Variants in COMMD8 observed in about 807,000 individuals in gnomAD.
The protein encoded by COMMD8 is COMM domain containing 8.
A neutral mutation model predicts 27.2 loss-of-function variants in COMMD8; 28 were observed. The observed-to-expected ratio is 1.03, with a 90% confidence interval of 0.76 to 1.41. COMMD8 has a LOEUF of 1.41. Ranked by LOEUF, COMMD8 falls within the 40% of genes most tolerant of loss-of-function variation. COMMD8 has a pLI of 0.00. For synonymous variants in COMMD8, 79 were observed against 75.5 expected, an observed-to-expected ratio of 1.05 and a Z score of -0.24; for missense variants, 217 against 211.2, an observed-to-expected ratio of 1.03 and a Z score of -0.17.
intron 1 of COMMD8, 73 bp downstream of exon 1, chr4:47,463,513 C>T (rs1730123066): frequency 6.2e-6 from 9 of 1,445,526 alleles, no homozygotes; most frequent in Non-Finnish European, 8.4e-6. Context: ...CCGGGTCGCA[C>T]CCGGCCTGAT....
intron 2 of COMMD8, among the ~76,000 whole-genome samples, chr4:47,458,520 C>T (rs1036902433): frequency 1.3e-5 from 2 of 152,048 alleles, no homozygotes; most frequent in East Asian, 1.9e-4. Context: ...CTACAAAATA[C>T]GAGAGAGACA....
chr4:47,463,253 AG>A (rs1432334102), intron 1 of COMMD8, among the ~76,000 whole-genome samples: 1 of 152,172 alleles, frequency 6.6e-6, no homozygotes, highest in Non-Finnish European at 1.5e-5. Flanking sequence ...TCCGGTAGGT[AG>A]GGAGCCTTTG....
chr4:47,459,459 G>A (rs1200456555), intron 2 of COMMD8, among the ~76,000 whole-genome samples: 2 of 152,116 alleles, frequency 1.3e-5, no homozygotes, highest in African/African-American at 4.8e-5. Context: ...AAGGAGACAT[G>A]TAAAGAACAT....
intron 3 of COMMD8, among the ~76,000 whole-genome samples, chr4:47,455,697 A>G (rs1729869029): frequency 1.3e-5 from 2 of 152,116 alleles, no homozygotes; most frequent in Admixed American, 1.3e-4. Context: ...CACATACACA[A>G]TGTAAGGCAC....
At chr4:47,454,617 G>A (rs1026604205) in intron 3 of COMMD8, among the ~76,000 whole-genome samples, 1 of 152,124 alleles carries the variant, frequency 6.6e-6, no homozygotes, top group Non-Finnish European at 1.5e-5. Flanking sequence ...TGTAATCCCA[G>A]CACTTTGGGA....
chr4:47,456,711 G>A lies in COMMD8; in HGVS notation c.241C>T (p.Gln81Ter). The change falls in exon 3 of 5, where the codon CAG becomes TAG. Residue 81 changes from glutamine (Q) to a stop codon, truncating the protein, a stop_gained. Transcript: ENST00000381571. LOFTEE classifies it high-confidence loss of function. ...GTTTCTTGATGAAGTGAATTCAACTGATTCAACTGCTGAAATATCTATAAA... is the reference window on the plus strand; with the variant it reads ...GTTTCTTGATGAAGTGAATTCAACTAATTCAACTGCTGAAATATCTATAAA... ...PDEEIFQQLN[Q>*]LNSLHQETIM... 2 of 1,582,380 alleles carry A rather than the reference G, an allele frequency of 1.3e-6. No individual in the cohort carries two copies. The highest frequency in any genetic ancestry group is 1.9e-5 in the Admixed American group (1 of 52,534).
At chr4:47,452,173 ACT>A (rs1729770118) in intron 4 of COMMD8, among the ~76,000 whole-genome samples, 1 of 152,240 alleles carries the variant, frequency 6.6e-6, no homozygotes, top group Non-Finnish European at 1.5e-5. Context: ...AACAGTTTCC[ACT>A]GTTTAAGTAT....
intron 1 of COMMD8, among the ~76,000 whole-genome samples, chr4:47,460,706 A>G (rs1477427367): frequency 6.6e-6 from 1 of 151,902 alleles, no homozygotes; most frequent in Non-Finnish European, 1.5e-5. Flanking sequence ...GGGTCTCACT[A>G]TGTTGCCCAG....
chr4:47,453,038 T>C, intron 4 of COMMD8, 21 bp downstream of exon 4: 2 of 1,575,936 alleles, frequency 1.3e-6, no homozygotes, highest in East Asian at 2.2e-5. Context: ...TCAAATCATA[T>C]GACAAAATTA....
chr4:47,454,006 T>A (rs991215983), intron 3 of COMMD8, among the ~76,000 whole-genome samples: 2 of 152,202 alleles, frequency 1.3e-5, no homozygotes, highest in Non-Finnish European at 2.9e-5. Flanking sequence ...AATCAAATCT[T>A]GACATAGCTC....
rs1729898144 is a variant in COMMD8, at chr4:47,456,656, T to C, written c.296A>G (p.Asp99Gly). ...TCTTGACAGAGCCTGTTTGATTTCA[T>C]CTTTCCTACTTTTCACGCATTTCAT... ...TIMKCVKSRK[D>G]EIKQALSREI... Residue 99 changes from aspartate to glycine, a missense_variant, in exon 3 of 5, where the codon GAT (aspartate) becomes GGT (glycine). Physicochemically the swap from Asp to Gly is moderately conservative, Grantham distance 94. Coordinates refer to ENST00000381571, the MANE Select transcript of COMMD8 (RefSeq NM_017845.5). 6.2e-7 allele frequency: 1 copy of C among 1,610,146 alleles called. No homozygotes were observed. Among genetic ancestry groups the C allele is most frequent in the South Asian group, 1.1e-5 (1 of 90,368 alleles).
At chr4:47,461,646 C>G (rs975648135) in intron 1 of COMMD8, among the ~76,000 whole-genome samples, 3 of 152,164 alleles carry the variant, frequency 2.0e-5, no homozygotes, top group Middle Eastern at 3.4e-3. Flanking sequence ...ATGGAAATGA[C>G]CTTATTTAAT....
chr4:47,456,267 C>CATATATAT (rs34279197), intron 3 of COMMD8, among the ~76,000 whole-genome samples: 3,774 of 118,516 alleles, frequency 0.032, 98 homozygotes, highest in East Asian at 0.1. Context: ...ATAAATTATA[C>CATATATAT]ATATATATAT....
rs1284620271 is a variant in COMMD8 at position 47,450,879 on chromosome 4, ATTGAGT to A, written c.*760_*765del. The A allele has an allele frequency of 6.6e-6, 1 of 152,240 alleles. No individual in the cohort carries two copies. Among genetic ancestry groups the A allele is most frequent in the Admixed American group, 6.5e-5 (1 of 15,282 alleles). 9.4% of individuals were successfully genotyped at this position (152,240 alleles called of 1,614,324 possible). ...AATTTAACATCCCAAAGTATTCAAT[ATTGAGT>A]TTATTAACAAAAGTGGATGTGTACA... On this transcript the variant is annotated 3_prime_UTR_variant, in exon 5 of 5. Transcript: ENST00000381571.
intron 3 of COMMD8, 91 bp from the exon 4 acceptor site, chr4:47,453,305 A>G (rs1376611478): frequency 3.9e-6 from 4 of 1,027,976 alleles, no homozygotes; most frequent in Non-Finnish European, 5.6e-6. Flanking sequence ...ACATTTTTTA[A>G]AAGTACTGTT....
At chr4:47,457,169 T>C (rs1239331447) in intron 2 of COMMD8, among the ~76,000 whole-genome samples, 1 of 152,208 alleles carries the variant, frequency 6.6e-6, no homozygotes, top group Non-Finnish European at 1.5e-5. Flanking sequence ...AAAACACTTC[T>C]GGTTCCATGC....
chr4:47,455,301 C>T (rs1208904604), intron 3 of COMMD8, among the ~76,000 whole-genome samples: 1 of 152,018 alleles, frequency 6.6e-6, no homozygotes, highest in Non-Finnish European at 1.5e-5. Context: ...CAGGTGTGAG[C>T]CACCGTGCCT....
intron 2 of COMMD8, among the ~76,000 whole-genome samples, chr4:47,459,473 T>C (rs1191926730): frequency 1.3e-5 from 2 of 152,134 alleles, no homozygotes; most frequent in African/African-American, 4.8e-5. Context: ...AGAACATTTA[T>C]AGCAGCACTA....
intron 3 of COMMD8, among the ~76,000 whole-genome samples, chr4:47,456,171 C>T (rs1729879113): frequency 6.6e-6 from 1 of 151,318 alleles, no homozygotes; most frequent in East Asian, 2.0e-4. Flanking sequence ...TGCTTGAACC[C>T]GGGAGGCAGA....
Sources: gnomAD v4.1 joint callset for allele counts (sites outside exome capture counted in the v4.1 genomes callset) on GRCh38, gnomAD v4.1.1 for gene constraint, MANE v1.5 for transcripts, NCBI Gene and HGNC (gene_info 2026-07-23, HGNC 2026-07-21) for gene names.